The following BAG6 variants were observed in gnomAD, a reference collection of about 807,000 sequenced individuals.
BAG6 encodes large proline-rich protein BAG6.
BAG6 carries 22 observed loss-of-function variants against 121.0 expected under a neutral mutation model. The observed-to-expected ratio is 0.18, with a 90% CI of 0.13 to 0.26. The LOEUF (loss-of-function observed/expected upper bound fraction) is 0.26, where lower values mean the gene tolerates loss of function less well. Ranked by LOEUF, BAG6 falls within the 10% of genes least tolerant of loss-of-function variation. The pLI is 1.00. For missense variants in BAG6, 1,233 were observed against 1,537.7 expected (o/e 0.80, Z 3.31); for synonymous variants, 583 against 584.6 (o/e 1.00, Z 0.04).
rs764511852 is a variant in BAG6, at chr6:31,648,986, T to C, written c.424-22A>G. 9.9e-6 allele frequency: 15 copies of C among 1,522,186 alleles called. No individual in the cohort carries two copies. In the African/African-American group the frequency reaches 1.3e-4, roughly 13 times the overall value. 94.3% of individuals were successfully genotyped at this position (1,522,186 alleles called of 1,614,324 possible). A position where few individuals can be genotyped will look rare whatever the true frequency, so the allele number is the denominator to read the frequency against. ...CACTCTGGGGAAAGGGTAAGGGAAG[T>C]TGTTCTGGGAGAAGCCAACACTAAG... On this transcript the variant is annotated intron_variant, in intron 4 of 25. Transcript: ENST00000676615.
Position 31,640,665 on chromosome 6 carries a change from T to G in BAG6, c.2974A>C (p.Arg992=). ...EEPMEVQGAE[R]ASPEPQRENA... ...AGTACCTGAGGCTCAGGGGAAGCTCTTTCTGCTCCCTGAACTTCCATTGGC... is the reference window on the plus strand; with the variant it reads ...AGTACCTGAGGCTCAGGGGAAGCTCGTTCTGCTCCCTGAACTTCCATTGGC... Residue 992 remains arginine (R), a synonymous_variant, in exon 22 of 26, where the codon AGA becomes CGA. Coordinates refer to ENST00000676615, the MANE Select transcript of BAG6 (RefSeq NM_001387994.1). The surrounding 1 kb of genome is among the most constrained non-coding windows in gnomAD (Gnocchi z 4.2). The G allele has an allele frequency of 1.2e-6, 2 of 1,613,022 alleles. No homozygotes were observed. The highest frequency in any genetic ancestry group is 1.7e-6 in the Non-Finnish European group (2 of 1,179,994).
In BAG6 at chr6:31,644,898, C is replaced by G. The variant is rs763802572; in HGVS notation, c.1369+48G>C. 2.1e-5 allele frequency: 33 copies of G among 1,540,810 alleles called. No homozygotes were observed. The highest frequency in any genetic ancestry group is 2.5e-5 in the Non-Finnish European group (29 of 1,143,650). Reference sequence around the variant, plus strand: ...TGTTCCCTCACACCTCAGCATGAACCTCCCTCATCATGCTGATCCTGCTCT... The same window carrying G: ...TGTTCCCTCACACCTCAGCATGAACGTCCCTCATCATGCTGATCCTGCTCT... On this transcript the variant is annotated intron_variant, in intron 10 of 25. Coordinates refer to ENST00000676615, the MANE Select transcript of BAG6 (RefSeq NM_001387994.1). The surrounding 1 kb of genome is among the most constrained non-coding windows in gnomAD (Gnocchi z 4.9).
Position 31,644,938 on chromosome 6 carries a change from A to G in BAG6, c.1369+8T>C. 1 of 1,564,698 alleles carries G rather than the reference A, an allele frequency of 6.4e-7. No homozygotes were observed. Among genetic ancestry groups the G allele is most frequent in the South Asian group, 1.2e-5 (1 of 82,934 alleles). On this transcript the variant is annotated splice_region_variant and intron_variant, in intron 10 of 25. Coordinates refer to ENST00000676615, the MANE Select transcript of BAG6 (RefSeq NM_001387994.1). The surrounding 1 kb of genome is among the most constrained non-coding windows in gnomAD (Gnocchi z 4.9). Reference sequence around the variant, plus strand: ...GATCCTGCTCTTCTCGCCAGCAACTATTCTCACCTTGAATGTTCATGTGCA... The same window carrying G: ...GATCCTGCTCTTCTCGCCAGCAACTGTTCTCACCTTGAATGTTCATGTGCA...
Position 31,644,927 on chromosome 6 carries a change from C to T in BAG6, c.1369+19G>A, listed in dbSNP as rs780531010. On this transcript the variant is annotated intron_variant, in intron 10 of 25. Coordinates refer to ENST00000676615, the MANE Select transcript of BAG6 (RefSeq NM_001387994.1). This position sits in a 1 kb window ranked among gnomAD's most constrained non-coding sequence, Gnocchi z 4.9. Reference sequence around the variant, plus strand: ...CTCATCATGCTGATCCTGCTCTTCTCGCCAGCAACTATTCTCACCTTGAAT... The same window carrying T: ...CTCATCATGCTGATCCTGCTCTTCTTGCCAGCAACTATTCTCACCTTGAAT... The T allele has an allele frequency of 1.2e-5, 19 of 1,554,230 alleles. No individual in the cohort carries two copies. Among genetic ancestry groups the T allele is most frequent in the African/African-American group, 2.7e-5 (2 of 73,700 alleles).
rs1798569791 is a variant in BAG6 at position 31,652,466 on chromosome 6, G to T, written c.-56C>A. The T allele has an allele frequency of 6.6e-6, 1 of 152,328 alleles. No homozygotes were observed. The highest frequency in any genetic ancestry group is 2.4e-5 in the African/African-American group (1 of 41,418). The allele number at this position is 152,328 out of a possible 1,614,324, so 9.4% of individuals were successfully genotyped here. ...TTCCGTTTCCCCGATAGTATTTGGG[G>T]ATCTCGAAGCGATACTTCCGGCTCC... On this transcript the variant is annotated 5_prime_UTR_variant, in exon 1 of 26. Transcript: ENST00000676615.
At position 31,640,088 on chromosome 6, in the gene BAG6, G is replaced by T; in HGVS notation, c.3246+111C>A. ...CAGAAAAAGTTTCCTCATTAAACGA[G>T]GGGAGGGGAGACTGAATAACAAGAG... On this transcript the variant is annotated intron_variant, in intron 24 of 25. Coordinates refer to ENST00000676615, the MANE Select transcript of BAG6 (RefSeq NM_001387994.1). The surrounding 1 kb of genome is among the most constrained non-coding windows in gnomAD (Gnocchi z 4.2). 4 of 1,101,380 alleles carry T rather than the reference G, an allele frequency of 3.6e-6. No individual in the cohort carries two copies. In the South Asian group the frequency reaches 5.5e-5, roughly 15 times the overall value. 68.2% of individuals were successfully genotyped at this position (1,101,380 alleles called of 1,614,324 possible).
At position 31,645,211 on chromosome 6, in the gene BAG6, G is replaced by A. The variant is rs1234663617; in HGVS notation, c.1117-13C>T. The stretch of plus-strand genomic sequence containing the variant: ...TTCCCACATTGATCTGAAAAAGACA[G>A]ATGGACAGGCAGATGTGAGAAAAAT... On this transcript the variant is annotated splice_polypyrimidine_tract_variant and intron_variant, in intron 9 of 25. Coordinates refer to ENST00000676615, the MANE Select transcript of BAG6 (RefSeq NM_001387994.1). The A allele has an allele frequency of 6.2e-7, 1 of 1,604,966 alleles. No individual in the cohort carries two copies. Among genetic ancestry groups the A allele is most frequent in the Non-Finnish European group, 8.5e-7 (1 of 1,176,072 alleles).
chr6:31,648,666 T>C lies in BAG6; in HGVS notation c.552+11A>G. Reference sequence around the variant, plus strand: ...GGTGGAGAGAGACCCTAGCCAGCCTTGCCCACTTACCTCCATCCGGGATAG... The same window carrying C: ...GGTGGAGAGAGACCCTAGCCAGCCTCGCCCACTTACCTCCATCCGGGATAG... On this transcript the variant is annotated intron_variant, in intron 6 of 25. Transcript: ENST00000676615. The C allele has an allele frequency of 6.2e-7, 1 of 1,613,410 alleles. No individual in the cohort carries two copies. Among genetic ancestry groups the C allele is most frequent in the Non-Finnish European group, 8.5e-7 (1 of 1,179,814 alleles).
chr6:31,651,368 G>A (rs1262904658), intron 2 of BAG6, among the ~76,000 whole-genome samples: 2 of 152,072 alleles, frequency 1.3e-5, no homozygotes, highest in Non-Finnish European at 2.9e-5. Flanking sequence ...GTGAAACCCC[G>A]TCTCTACTAA....
At chr6:31,650,538 G>A (rs548601781) in intron 2 of BAG6, among the ~76,000 whole-genome samples, 18 of 151,830 alleles carry the variant, frequency 1.2e-4, no homozygotes, top group East Asian at 7.8e-4. Context: ...AGTAGGCGTC[G>A]TCTGTAATCC....
rs149780107 is a variant in BAG6 at position 31,644,009 on chromosome 6, T to C, written c.1669-32A>G. Reference sequence around the variant, plus strand: ...AGAGAGCAAGGGAGAATTTCAGACCTGCCCTTCCATGCACCACCACAGGAG... The same window carrying C: ...AGAGAGCAAGGGAGAATTTCAGACCCGCCCTTCCATGCACCACCACAGGAG... On this transcript the variant is annotated intron_variant, in intron 13 of 25. Coordinates refer to ENST00000676615, the MANE Select transcript of BAG6 (RefSeq NM_001387994.1). The surrounding 1 kb of genome is among the most constrained non-coding windows in gnomAD (Gnocchi z 4.9). 6.4e-5 allele frequency: 103 copies of C among 1,613,480 alleles called. No homozygotes were observed. The highest frequency in any genetic ancestry group is 4.9e-4 in the Middle Eastern group (3 of 6,062).
chr6:31,649,621 C>T lies in BAG6; in HGVS notation c.115G>A (p.Val39Ile). Residue 39 changes from valine to isoleucine, a missense_variant, in exon 3 of 26, where the codon GTA (valine) becomes ATA (isoleucine). Val to Ile is a conservative substitution (Grantham distance 29). Transcript: ENST00000676615. ...GCAATGTGCTCCTTAAACTCTTTTACATTCATCTGAAAAGAAGAGGCATGC... is the reference window on the plus strand; with the variant it reads ...GCAATGTGCTCCTTAAACTCTTTTATATTCATCTGAAAAGAAGAGGCATGC... ...RTFIVGAQMN[V>I]KEFKEHIAAS... 1.9e-6 allele frequency: 3 copies of T among 1,612,982 alleles called. No individual in the cohort carries two copies. Among genetic ancestry groups the T allele is most frequent in the Non-Finnish European group, 2.5e-6 (3 of 1,179,032 alleles).
chr6:31,648,505 T>C (rs1025476386), intron 6 of BAG6, among the ~76,000 whole-genome samples, 172 bp downstream of exon 6: 4 of 152,010 alleles, frequency 2.6e-5, no homozygotes, highest in African/African-American at 9.7e-5. Flanking sequence ...TTGGCAGAAA[T>C]GAGAGAGCCT....
chr6:31,646,877 C>A lies in BAG6; in HGVS notation c.789-354G>T, dbSNP rs547498554. On this transcript the variant is annotated intron_variant, in intron 7 of 25. Transcript: ENST00000676615. Reference sequence around the variant, plus strand: ...CAAGCTCCGTCTCCTGGGTTCACACCATTCTCCTGACTCAGCCTCCCGAGT... The same window carrying A: ...CAAGCTCCGTCTCCTGGGTTCACACAATTCTCCTGACTCAGCCTCCCGAGT... Among the ~76,000 whole-genome samples the A allele has an allele frequency of 2.7e-5, 4 of 149,406 alleles. No individual in the cohort carries two copies. In the South Asian group the frequency reaches 8.6e-4, roughly 32 times the overall value.
At chr6:31,650,230 G>A (rs563207638) in intron 2 of BAG6, among the ~76,000 whole-genome samples, 16 of 151,968 alleles carry the variant, frequency 1.1e-4, no homozygotes, top group African/African-American at 3.9e-4. Context: ...TATGTGTCTA[G>A]AGACATCAGT....
At chr6:31,652,317 C>CCAAA (rs1308103213) in intron 1 of BAG6, 107 bp downstream of exon 1, 1 of 88,732 alleles carries the variant, frequency 1.1e-5, no homozygotes, top group African/African-American at 4.1e-5. Context: ...TAACCCACAG[C>CCAAA]CAAACACACA....
Position 31,645,669 on chromosome 6 carries a change from AAAGC to A in BAG6, c.919-69_919-66del, listed in dbSNP as rs544250418. The A allele has an allele frequency of 8.3e-4, 1,293 of 1,565,768 alleles. 2 individuals carry two copies. The highest frequency in any genetic ancestry group is 3.3e-3 in the Admixed American group (175 of 53,798). The stretch of plus-strand genomic sequence containing the variant: ...CAAGCTGGAGTCCATCTCACTAATA[AAAGC>A]AATAATGCCTACTGAGAATACCATG... On this transcript the variant is annotated intron_variant, in intron 8 of 25. Coordinates refer to ENST00000676615, the MANE Select transcript of BAG6 (RefSeq NM_001387994.1).
At position 31,640,386 on chromosome 6, in the gene BAG6, G is replaced by A; in HGVS notation, c.3137C>T (p.Pro1046Leu). 1 of 1,614,146 alleles carries A rather than the reference G, an allele frequency of 6.2e-7. No homozygotes were observed. Among genetic ancestry groups the A allele is most frequent in the South Asian group, 1.1e-5 (1 of 91,090 alleles). The change falls in exon 23 of 26, where the codon CCA becomes CTA. Residue 1046 changes from proline (P) to leucine (L), a missense_variant and splice_region_variant. Pro to Leu is a moderately conservative substitution (Grantham distance 98). Around this residue, in one of 7 missense-constraint regions of BAG6, gnomAD observed 288 missense variants for 483.1 expected, o/e 0.60. Transcript: ENST00000676615. The surrounding 1 kb of genome is among the most constrained non-coding windows in gnomAD (Gnocchi z 4.2). The stretch of plus-strand genomic sequence containing the variant: ...ACTGGATTACTTCCTGACACTTACT[G>A]GGGGGACTGCAGCTGCCCAAGGTTC... ...ETEPWAAAVP[P>L]EWVPIIQQDI... is the part of the protein sequence containing the mutation.
intron 15 of BAG6, 107 bp downstream of exon 15, chr6:31,642,722 T>G: frequency 7.6e-7 from 1 of 1,307,730 alleles, no homozygotes; most frequent in Non-Finnish European, 1.1e-6. Context: ...TCCCCTAACA[T>G]GTCACTAGGG....
Sources: gnomAD v4.1 joint callset for allele counts (sites outside exome capture counted in the v4.1 genomes callset) on GRCh38, gnomAD v4.1.1 for gene constraint, gnomAD v4.1.1 regional missense constraint, Gnocchi (gnomAD v3.1) non-coding constraint, MANE v1.5 for transcripts, NCBI Gene and HGNC (gene_info 2026-07-23, HGNC 2026-07-21) for gene names.